Variants in PITPNM2 observed in about 807,000 individuals in gnomAD.
PITPNM2 encodes the protein phosphatidylinositol transfer protein membrane associated 2.
Under a neutral mutation model 132.2 loss-of-function variants are expected in PITPNM2, and 35 were observed. The observed-to-expected ratio is 0.26, with a 90% confidence interval of 0.20 to 0.35. The LOEUF (loss-of-function observed/expected upper bound fraction) is 0.35. Among genes scored for constraint, PITPNM2 ranks in the 10% least tolerant of loss-of-function variants. PITPNM2 has a pLI of 1.00. For synonymous variants in PITPNM2, 738 were observed against 799.2 expected (o/e 0.92, Z 1.29); for missense variants, 1,332 against 1,912.0 (o/e 0.70, Z 5.66).
At chr12:123,144,604 G>T (rs939907158) in intron 1 of PITPNM2, among the ~76,000 whole-genome samples, 2 of 152,144 alleles carry the variant, frequency 1.3e-5, no homozygotes, top group African/African-American at 4.8e-5. Context: ...GCTAATTTTT[G>T]TATTTTTAGT....
intron 1 of PITPNM2, among the ~76,000 whole-genome samples, chr12:123,132,793 C>A (rs1418190025): frequency 6.6e-6 from 1 of 152,062 alleles, no homozygotes; most frequent in African/African-American, 2.4e-5. Flanking sequence ...TGTCTGACTT[C>A]TTTCATTTAA....
intron 2 of PITPNM2, among the ~76,000 whole-genome samples, chr12:123,085,353 C>T (rs1322025923): frequency 6.6e-6 from 1 of 152,162 alleles, no homozygotes; most frequent in Non-Finnish European, 1.5e-5. Context: ...CTTCAAAAAG[C>T]CCACCCCCTA....
chr12:123,082,218 T>C lies in PITPNM2; in HGVS notation c.-96+28167A>G, dbSNP rs2041984709. ...GCAAGTTCCTGCCTTGGGGCATCTG[T>C]ACTTGCCACTCTCCCTCCCCTCTGC... On this transcript the variant is annotated intron_variant, in intron 2 of 25. Coordinates refer to ENST00000320201, the MANE Select transcript of PITPNM2 (RefSeq NM_020845.3). The surrounding 1 kb of genome is among the most constrained non-coding windows in gnomAD (Gnocchi z 5.4). 6.6e-6 allele frequency among the ~76,000 whole-genome samples: 1 copy of C among 152,196 alleles called. No individual in the cohort carries two copies. Among genetic ancestry groups the C allele is most frequent in the Non-Finnish European group, 1.5e-5 (1 of 68,026 alleles).
chr12:122,988,212 T>TGGGCGCCC, intron 20 of PITPNM2, 22 bp downstream of exon 20: 1 of 1,603,730 alleles, frequency 6.2e-7, no homozygotes, highest in Non-Finnish European at 8.5e-7. Context: ...CGTGGGGGCC[T>TGGGCGCCC]GGGCGCCCGG....
chr12:123,060,257 CA>C (rs1291554754), intron 2 of PITPNM2, among the ~76,000 whole-genome samples: 1 of 152,200 alleles, frequency 6.6e-6, no homozygotes, highest in African/African-American at 2.4e-5. Context: ...CTTCATTCAC[CA>C]AAGCACCCTG....
chr12:123,049,155 C>T (rs977981986), intron 2 of PITPNM2, among the ~76,000 whole-genome samples: 5 of 152,014 alleles, frequency 3.3e-5, no homozygotes, highest in Admixed American at 3.3e-4. Flanking sequence ...CACACACACA[C>T]ACACACACAC....
intron 1 of PITPNM2, among the ~76,000 whole-genome samples, chr12:123,137,981 T>G (rs1277683846): frequency 6.6e-6 from 1 of 152,068 alleles, no homozygotes; most frequent in African/African-American, 2.4e-5. Flanking sequence ...ATGGGACAAC[T>G]GATGTCTCTG....
At position 123,023,278 on chromosome 12, in the gene PITPNM2, G is replaced by A. The variant is rs544676882; in HGVS notation, c.79-9236C>T. The stretch of plus-strand genomic sequence containing the variant: ...AAGCTGCCACTCAGAATGTCAGTGC[G>A]CAGGCGTGCATGCGTGCACACACAT... On this transcript the variant is annotated intron_variant, in intron 3 of 25. Transcript: ENST00000320201. The surrounding 1 kb of genome is among the most constrained non-coding windows in gnomAD (Gnocchi z 4.8). 3.9e-5 allele frequency among the ~76,000 whole-genome samples: 6 copies of A among 152,332 alleles called. No homozygotes were observed. Among genetic ancestry groups the A allele is most frequent in the East Asian group, 1.9e-4 (1 of 5,192 alleles).
At chr12:123,007,994 A>G (rs2039013638) in intron 6 of PITPNM2, among the ~76,000 whole-genome samples, 1 of 152,146 alleles carries the variant, frequency 6.6e-6, no homozygotes, top group African/African-American at 2.4e-5. Context: ...GCCACACCCC[A>G]TCTTCAGTTC....
At chr12:123,067,293 C>CA (rs2041455326) in intron 2 of PITPNM2, among the ~76,000 whole-genome samples, 1 of 151,894 alleles carries the variant, frequency 6.6e-6, no homozygotes. Flanking sequence ...CCGTCTCTAC[C>CA]AAAAATACAA....
chr12:123,025,078 AGCT>A (rs2039809037), intron 3 of PITPNM2, among the ~76,000 whole-genome samples: 1 of 152,164 alleles, frequency 6.6e-6, no homozygotes, highest in Non-Finnish European at 1.5e-5. Flanking sequence ...CGTGTCCAAA[AGCT>A]CAGTTTTCTG....
rs76838334 is a variant in PITPNM2 at position 123,097,936 on chromosome 12, G to A, written c.-96+12449C>T. On this transcript the variant is annotated intron_variant, in intron 2 of 25. Coordinates refer to ENST00000320201, the MANE Select transcript of PITPNM2 (RefSeq NM_020845.3). This position sits in a 1 kb window ranked among gnomAD's most constrained non-coding sequence, Gnocchi z 4.7. ...TCTCTGCTGGCCTTGGCCCTCTGTA[G>A]TGATGCAGGGGACATGTCGAAAATG... 6.6e-6 allele frequency among the ~76,000 whole-genome samples: 1 copy of A among 152,216 alleles called. No homozygotes were observed. Among genetic ancestry groups the A allele is most frequent in the African/African-American group, 2.4e-5 (1 of 41,444 alleles).
At chr12:123,122,086 T>A (rs918372923) in intron 1 of PITPNM2, among the ~76,000 whole-genome samples, 1 of 152,190 alleles carries the variant, frequency 6.6e-6, no homozygotes. Flanking sequence ...AACTTCTTCA[T>A]CTTCCCAAAC....
chr12:123,108,477 G>A lies in PITPNM2; in HGVS notation c.-96+1908C>T, dbSNP rs1403964170. Among the ~76,000 whole-genome samples, 2 of 152,086 alleles carry A rather than the reference G, an allele frequency of 1.3e-5. No homozygotes were observed. The highest frequency in any genetic ancestry group is 2.1e-4 in the South Asian group (1 of 4,816). On this transcript the variant is annotated intron_variant, in intron 2 of 25. Transcript: ENST00000320201. The surrounding 1 kb of genome is among the most constrained non-coding windows in gnomAD (Gnocchi z 4.4). ...AAGAGCTCTCACCGGGCCCTGCCTCGACTTGGCAGCCAAGACCTTTGGCAA... is the reference window on the plus strand; with the variant it reads ...AAGAGCTCTCACCGGGCCCTGCCTCAACTTGGCAGCCAAGACCTTTGGCAA...
intron 2 of PITPNM2, among the ~76,000 whole-genome samples, chr12:123,068,719 G>A (rs1178133139): frequency 6.6e-6 from 1 of 152,146 alleles, no homozygotes; most frequent in African/African-American, 2.4e-5. Context: ...GAAGCTTTAG[G>A]ACTATGACCA....
chr12:123,125,979 CCT>C (rs2043132406), intron 1 of PITPNM2, among the ~76,000 whole-genome samples: 2 of 131,132 alleles, frequency 1.5e-5, no homozygotes, highest in Middle Eastern at 0.011. Flanking sequence ...ACGCCATTCT[CCT>C]GTCTCAGCCT....
chr12:122,998,496 C>A (rs915499114), intron 10 of PITPNM2, among the ~76,000 whole-genome samples: 1 of 152,212 alleles, frequency 6.6e-6, no homozygotes, highest in Non-Finnish European at 1.5e-5. Context: ...TGGCCCTGTC[C>A]CCAGAGGTCA....
chr12:123,040,113 G>C (rs979189785), intron 2 of PITPNM2, among the ~76,000 whole-genome samples: 1 of 152,156 alleles, frequency 6.6e-6, no homozygotes, highest in Non-Finnish European at 1.5e-5. Context: ...CTGGGCAACA[G>C]AGCGAGACCC....
chr12:123,016,767 C>T (rs1380011723), intron 3 of PITPNM2, among the ~76,000 whole-genome samples: 1 of 152,072 alleles, frequency 6.6e-6, no homozygotes, highest in Non-Finnish European at 1.5e-5. Context: ...TTTAGTAGGC[C>T]AGGTGCGGTG....
Sources: allele counts gnomAD v4.1 joint callset (sites outside exome capture counted in the v4.1 genomes callset), GRCh38; gene constraint gnomAD v4.1.1; non-coding constraint Gnocchi (gnomAD v3.1); transcripts MANE v1.5; gene names NCBI Gene and HGNC (gene_info 2026-07-23, HGNC 2026-07-21).